The following POFUT3 variants were observed in gnomAD, a reference collection of about 807,000 sequenced individuals.
The protein encoded by POFUT3 is protein O-fucosyltransferase 3, also known as GDP-fucose protein O-fucosyltransferase 3.
chr8:33,412,044 C>T, the POFUT3 span, among the ~76,000 whole-genome samples: 15 of 152,156 alleles, frequency 9.9e-5, no homozygotes, highest in Non-Finnish European at 1.8e-4. Context: ...GCACATCACA[C>T]AAGCAATGCA....
the POFUT3 span, among the ~76,000 whole-genome samples, chr8:33,329,447 AGGAGCTGGAAAGCT>A: frequency 6.6e-6 from 1 of 152,238 alleles, no homozygotes; most frequent in African/African-American, 2.4e-5. Flanking sequence ...ACCTTTATGC[AGGAGCTGGAAAGCT>A]GGAAATTGCC....
At chr8:33,456,639 G>A in the POFUT3 span, among the ~76,000 whole-genome samples, 1 of 151,982 alleles carries the variant, frequency 6.6e-6, no homozygotes, top group African/African-American at 2.4e-5. Context: ...CAGAATAAAG[G>A]AATGCATTAA....
At chr8:33,356,429 T>C in the POFUT3 span, among the ~76,000 whole-genome samples, 2 of 152,252 alleles carry the variant, frequency 1.3e-5, no homozygotes, top group Non-Finnish European at 2.9e-5. Flanking sequence ...CCAGTGATGG[T>C]GAGCATTTTT....
At chr8:33,420,563 T>C in the POFUT3 span, among the ~76,000 whole-genome samples, 3 of 152,178 alleles carry the variant, frequency 2.0e-5, no homozygotes, top group African/African-American at 7.2e-5. Flanking sequence ...CATCTCATTG[T>C]AAACAATGAT....
chr8:33,353,665 T>C, the POFUT3 span, among the ~76,000 whole-genome samples: 1 of 152,154 alleles, frequency 6.6e-6, no homozygotes, highest in Admixed American at 6.5e-5. Context: ...TCACTAGTTT[T>C]GGGGTGCTTG....
the POFUT3 span, among the ~76,000 whole-genome samples, chr8:33,423,998 G>T: frequency 6.6e-6 from 1 of 151,908 alleles, no homozygotes; most frequent in Non-Finnish European, 1.5e-5. Flanking sequence ...AATTAGCTGG[G>T]CATGGTGGTA....
the POFUT3 span, among the ~76,000 whole-genome samples, chr8:33,324,669 A>G: frequency 6.6e-6 from 1 of 152,172 alleles, no homozygotes; most frequent in African/African-American, 2.4e-5. Context: ...TCCCTGGAAC[A>G]TAGTGGATGC....
the POFUT3 span, among the ~76,000 whole-genome samples, chr8:33,432,974 CT>C: frequency 6.6e-6 from 1 of 152,132 alleles, no homozygotes; most frequent in African/African-American, 2.4e-5. Context: ...TGACTCACAC[CT>C]GTAATACCAG....
At chr8:33,395,012 A>G in the POFUT3 span, among the ~76,000 whole-genome samples, 2 of 152,118 alleles carry the variant, frequency 1.3e-5, no homozygotes, top group Non-Finnish European at 2.9e-5. Context: ...TATGCTCCTT[A>G]TTGTATGGGG....
the POFUT3 span, among the ~76,000 whole-genome samples, chr8:33,343,760 T>C: frequency 1.3e-5 from 2 of 152,216 alleles, no homozygotes; most frequent in African/African-American, 2.4e-5. Context: ...GAGATGAACA[T>C]TCTAGAAGAG....
At chr8:33,334,611 T>C in the POFUT3 span, among the ~76,000 whole-genome samples, 1 of 152,212 alleles carries the variant, frequency 6.6e-6, no homozygotes, top group African/African-American at 2.4e-5. Flanking sequence ...ATGATGCTGG[T>C]CCATGAGCCA....
At chr8:33,465,628 A>G in the POFUT3 span, among the ~76,000 whole-genome samples, 1 of 152,118 alleles carries the variant, frequency 6.6e-6, no homozygotes, top group Admixed American at 6.6e-5. Context: ...ACACCCAGCT[A>G]ATTTTTCTAT....
the POFUT3 span, among the ~76,000 whole-genome samples, chr8:33,375,315 TG>T: frequency 6.6e-6 from 1 of 151,992 alleles, no homozygotes; most frequent in African/African-American, 2.4e-5. Flanking sequence ...AGGAAACAGA[TG>T]TCAACAGAAG....
the POFUT3 span, among the ~76,000 whole-genome samples, chr8:33,393,413 G>A: frequency 6.6e-6 from 1 of 152,198 alleles, no homozygotes; most frequent in East Asian, 1.9e-4. Context: ...ACTGTAAAGG[G>A]AATTGCAACT....
the POFUT3 span, among the ~76,000 whole-genome samples, chr8:33,324,134 A>G: frequency 6.6e-6 from 1 of 152,164 alleles, no homozygotes; most frequent in African/African-American, 2.4e-5. Flanking sequence ...GGGATGTAGT[A>G]AGAAGCACAA....
the POFUT3 span, among the ~76,000 whole-genome samples, chr8:33,470,463 T>C: frequency 2.0e-5 from 3 of 152,042 alleles, no homozygotes; most frequent in Non-Finnish European, 4.4e-5. Context: ...CACAAGACTA[T>C]GAAGTTTATG....
the POFUT3 span, among the ~76,000 whole-genome samples, chr8:33,341,160 G>T: frequency 6.6e-6 from 1 of 152,090 alleles, no homozygotes; most frequent in Non-Finnish European, 1.5e-5. Context: ...ATTTGGCGAG[G>T]CGCGGTGGCT....
the POFUT3 span, among the ~76,000 whole-genome samples, chr8:33,418,865 C>T: frequency 3.2e-3 from 485 of 152,238 alleles, 1 homozygote; most frequent in Non-Finnish European, 5.5e-3. Flanking sequence ...AAATATGACA[C>T]ATATACACAA....
At chr8:33,371,101 A>G in the POFUT3 span, 1 of 152,188 alleles carries the variant, frequency 6.6e-6, no homozygotes, top group East Asian at 1.9e-4. Context: ...GAAAAAAAAG[A>G]AAAAAACCTT....
Sources: gnomAD v4.1 joint callset for allele counts (sites outside exome capture counted in the v4.1 genomes callset) on GRCh38, gnomAD v4.1.1 for gene constraint, MANE v1.5 for transcripts, NCBI Gene and HGNC (gene_info 2026-07-23, HGNC 2026-07-21) for gene names.